Variants in FNDC3B observed in about 807,000 individuals in gnomAD.
FNDC3B encodes fibronectin type III domain containing 3B.
Under a neutral mutation model 151.5 loss-of-function variants are expected in FNDC3B, and 12 were observed. That is an observed-to-expected ratio of 0.08 (90% confidence interval 0.05 to 0.13). The LOEUF is 0.13. FNDC3B is among the 10% of genes least tolerant of loss of function. The pLI, the probability that FNDC3B is intolerant of heterozygous loss-of-function variation, is 1.00. For missense variants in FNDC3B, 1,214 were observed against 1,505.3 expected (o/e 0.81, Z 3.20); for synonymous variants, 528 against 549.0 (o/e 0.96, Z 0.54).
intron 6 of FNDC3B, among the ~76,000 whole-genome samples, chr3:172,275,682 A>G (rs1729398892): frequency 6.6e-6 from 1 of 152,172 alleles, no homozygotes; most frequent in Non-Finnish European, 1.5e-5. Flanking sequence ...TGCAAGTAGC[A>G]TTTTCCGTAT....
At chr3:172,294,846 G>C (rs1483421747) in intron 7 of FNDC3B, among the ~76,000 whole-genome samples, 1 of 152,188 alleles carries the variant, frequency 6.6e-6, no homozygotes, top group Non-Finnish European at 1.5e-5. Flanking sequence ...GCTTAGAGAG[G>C]TGAAACATCT....
intron 3 of FNDC3B, among the ~76,000 whole-genome samples, chr3:172,205,492 G>A (rs951461399): frequency 3.3e-5 from 5 of 152,198 alleles, no homozygotes; most frequent in African/African-American, 1.2e-4. Flanking sequence ...AGGAAACCAA[G>A]GCACAGAGAA....
intron 1 of FNDC3B, among the ~76,000 whole-genome samples, chr3:172,079,393 C>T (rs1419835380): frequency 6.6e-6 from 1 of 152,172 alleles, no homozygotes; most frequent in African/African-American, 2.4e-5. Context: ...TTGGGAGCTG[C>T]AGTCCCAGAT....
chr3:172,125,792 C>A (rs1720782173), intron 2 of FNDC3B, among the ~76,000 whole-genome samples: 1 of 152,168 alleles, frequency 6.6e-6, no homozygotes, highest in African/African-American at 2.4e-5. Flanking sequence ...TTCCTGTTTT[C>A]TAAGGGGAAT....
intron 1 of FNDC3B, among the ~76,000 whole-genome samples, chr3:172,109,652 G>A (rs899492811): frequency 1.3e-5 from 2 of 152,172 alleles, no homozygotes; most frequent in African/African-American, 4.8e-5. Flanking sequence ...ATGTTCATAT[G>A]TTCCCACTTG....
chr3:172,253,886 TCTC>T (rs1338303272), intron 6 of FNDC3B, among the ~76,000 whole-genome samples: 1 of 152,104 alleles, frequency 6.6e-6, no homozygotes, highest in Non-Finnish European at 1.5e-5. Context: ...TTCAAACCAT[TCTC>T]CTGCCTCACT....
At chr3:172,115,694 G>A (rs1393803317) in intron 2 of FNDC3B, among the ~76,000 whole-genome samples, 4 of 152,192 alleles carry the variant, frequency 2.6e-5, no homozygotes, top group South Asian at 2.1e-4. Context: ...ACAGACCCTC[G>A]GCGGTGGCAT....
chr3:172,085,792 T>C (rs1016660819), intron 1 of FNDC3B, among the ~76,000 whole-genome samples: 4 of 152,190 alleles, frequency 2.6e-5, no homozygotes, highest in African/African-American at 9.6e-5. Context: ...AGTGGTAGCA[T>C]GGAATGTGAG....
chr3:172,098,016 A>AT (rs755392197), intron 1 of FNDC3B, among the ~76,000 whole-genome samples: 5,888 of 145,210 alleles, frequency 0.041, 162 homozygotes, highest in Non-Finnish European at 0.06. Flanking sequence ...GCTGCAAGAA[A>AT]TTTTTTTTTT....
intron 6 of FNDC3B, among the ~76,000 whole-genome samples, chr3:172,281,257 A>ATTTG (rs754348996): frequency 0.092 from 12,255 of 132,698 alleles, 748 homozygotes; most frequent in Non-Finnish European, 0.13. Context: ...TTATTTATTT[A>ATTTG]TATTTTGAGA....
chr3:172,086,964 G>T (rs1227467430), intron 1 of FNDC3B, among the ~76,000 whole-genome samples: 2 of 152,180 alleles, frequency 1.3e-5, no homozygotes, highest in Non-Finnish European at 2.9e-5. Flanking sequence ...TTAAAGAACA[G>T]ACACCACAGG....
intron 3 of FNDC3B, among the ~76,000 whole-genome samples, chr3:172,208,250 C>T (rs1270034235): frequency 1.3e-5 from 2 of 152,196 alleles, no homozygotes; most frequent in African/African-American, 4.8e-5. Flanking sequence ...CATTTTCCCC[C>T]AACTCCTGGG....
At chr3:172,247,472 C>G in intron 4 of FNDC3B, 61 bp from the exon 5 acceptor site, 1 of 1,521,562 alleles carries the variant, frequency 6.6e-7, no homozygotes, top group Non-Finnish European at 8.9e-7. Flanking sequence ...GTTATTAATA[C>G]TATATATATT....
chr3:172,378,039 G>C (rs1437533564), intron 23 of FNDC3B, among the ~76,000 whole-genome samples: 1 of 152,056 alleles, frequency 6.6e-6, no homozygotes, highest in Non-Finnish European at 1.5e-5. Context: ...CCTAATTAAA[G>C]GAGTCTCATT....
intron 2 of FNDC3B, among the ~76,000 whole-genome samples, chr3:172,131,171 C>T (rs180801454): frequency 6.6e-6 from 1 of 152,176 alleles, no homozygotes; most frequent in Non-Finnish European, 1.5e-5. Context: ...CCGAGACGGA[C>T]GGATCACCTG....
chr3:172,385,026 G>A (rs546676329), intron 25 of FNDC3B, among the ~76,000 whole-genome samples: 85 of 151,590 alleles, frequency 5.6e-4, no homozygotes, highest in African/African-American at 2.0e-3. Flanking sequence ...GAGAGTAGTC[G>A]TACATGAAAA....
At chr3:172,381,871 T>C (rs1560108922) in intron 25 of FNDC3B, among the ~76,000 whole-genome samples, 1 of 152,212 alleles carries the variant, frequency 6.6e-6, no homozygotes, top group Admixed American at 6.5e-5. Flanking sequence ...AGTCTAACAT[T>C]GATGGGCATT....
chr3:172,372,276 T>C (rs1441767102), intron 23 of FNDC3B, among the ~76,000 whole-genome samples: 1 of 152,184 alleles, frequency 6.6e-6, no homozygotes, highest in South Asian at 2.1e-4. Flanking sequence ...CTGATGCCTC[T>C]GAAGCTTCAT....
chr3:172,147,683 G>T (rs1016506974), intron 3 of FNDC3B, among the ~76,000 whole-genome samples: 1 of 152,118 alleles, frequency 6.6e-6, no homozygotes, highest in African/African-American at 2.4e-5. Flanking sequence ...CAGGTCTGGG[G>T]TGGGTGGGGC....
Sources: allele counts gnomAD v4.1 joint callset (sites outside exome capture counted in the v4.1 genomes callset), GRCh38; gene constraint gnomAD v4.1.1; transcripts MANE v1.5; gene names NCBI Gene and HGNC (gene_info 2026-07-23, HGNC 2026-07-21).